LIG1: variants seen among roughly 807,000 people sequenced by gnomAD.
LIG1 encodes ligase I, DNA, ATP-dependent.
A neutral mutation model predicts 115.7 loss-of-function variants in LIG1; 70 were observed. The observed-to-expected ratio is 0.60, with a 90% confidence interval of 0.50 to 0.74. The LOEUF is 0.74. LIG1 is among the 30% of genes least tolerant of loss of function. LIG1 has a pLI of 0.00. For missense variants in LIG1, 1,115 were observed against 1,225.6 expected (o/e 0.91, Z 1.35); for synonymous variants, 487 against 495.3 (o/e 0.98, Z 0.22).
intron 11 of LIG1, among the ~76,000 whole-genome samples, chr19:48,141,009 C>T (rs1196082610): frequency 1.3e-5 from 2 of 152,204 alleles, no homozygotes; most frequent in African/African-American, 4.8e-5. Flanking sequence ...GCAAGGTGAA[C>T]CCACCGGACG....
At position 48,157,066 on chromosome 19, in the gene LIG1, A is replaced by G. The variant is rs1599863307; in HGVS notation, c.318T>C (p.Ser106=). The change falls in exon 5 of 28, where the codon TCT becomes TCC. Residue 106 remains serine, a synonymous_variant. Coordinates refer to ENST00000263274, the MANE Select transcript of LIG1 (RefSeq NM_000234.3). ...GGGAACTGTCCATGGGAGAGGTGTC[A>G]GAGAGGGAAGCATTGTTCTCAGGAG... ...ATSPENNASL[S]DTSPMDSSPS... The G allele has an allele frequency of 1.2e-6, 2 of 1,612,754 alleles. No homozygotes were observed. The highest frequency in any genetic ancestry group is 1.7e-6 in the Non-Finnish European group (2 of 1,179,234).
chr19:48,167,592 T>G (rs866368644), intron 1 of LIG1, among the ~76,000 whole-genome samples: 2 of 152,068 alleles, frequency 1.3e-5, no homozygotes, highest in African/African-American at 4.8e-5. Context: ...TTTGGAAGGC[T>G]GAGACAGGCG....
rs193253316 is a variant in LIG1, at chr19:48,122,416, C to T, written c.2232+518G>A. The T allele has an allele frequency of 6.1e-4, 118 of 192,480 alleles. No homozygotes were observed. The East Asian group carries it at 7.2e-3, about 12-fold the overall frequency. The allele number at this position is 192,480 out of a possible 1,614,324, so 11.9% of individuals were successfully genotyped here. ...CCCACTCTGAGCTCACCTCCCGCCTCGCCTGCCCTTGCTCCCTGCACACGC... is the reference window on the plus strand; with the variant it reads ...CCCACTCTGAGCTCACCTCCCGCCTTGCCTGCCCTTGCTCCCTGCACACGC... On this transcript the variant is annotated intron_variant, in intron 23 of 27. Transcript: ENST00000263274. This position sits in a 1 kb window ranked among gnomAD's most constrained non-coding sequence, Gnocchi z 4.3.
Position 48,170,322 on chromosome 19 carries a change from A to C in LIG1, c.-139T>G, listed in dbSNP as rs1374247646. 6.7e-6 allele frequency: 3 copies of C among 446,040 alleles called. No individual in the cohort carries two copies. Among genetic ancestry groups the C allele is most frequent in the Non-Finnish European group, 9.0e-6 (2 of 222,196 alleles). The allele number at this position is 446,040 out of a possible 1,614,324, so 27.6% of individuals were successfully genotyped here. A position where few individuals can be genotyped will look rare whatever the true frequency, so the allele number is the denominator to read the frequency against. On this transcript the variant is annotated 5_prime_UTR_variant, in exon 1 of 28. Coordinates refer to ENST00000263274, the MANE Select transcript of LIG1 (RefSeq NM_000234.3). The stretch of plus-strand genomic sequence containing the variant: ...GCCTCTGCAGTCCCAAGTTCGCGCC[A>C]CGGCATTCGCGCGCAGACGTCTGCG...
rs1367128421 is a variant in LIG1 at position 48,135,851 on chromosome 19, T to C, written c.1424-72A>G. 4.3e-6 allele frequency: 6 copies of C among 1,398,458 alleles called. No individual in the cohort carries two copies. In the Admixed American group the frequency reaches 6.7e-5, roughly 16 times the overall value. 86.6% of individuals were successfully genotyped at this position (1,398,458 alleles called of 1,614,324 possible). On this transcript the variant is annotated intron_variant, in intron 15 of 27. Coordinates refer to ENST00000263274, the MANE Select transcript of LIG1 (RefSeq NM_000234.3). ...GCTACACCAGGGTGCAGTGGGTGGT[T>C]TGCTGTATGGCAAGGAATGCAGATG...
intron 26 of LIG1, among the ~76,000 whole-genome samples, chr19:48,117,201 C>T (rs1288711388): frequency 1.3e-5 from 2 of 151,744 alleles, no homozygotes. Flanking sequence ...GCTTTGTCAC[C>T]CAGGATGGAG....
In LIG1 at chr19:48,137,224, G is replaced by T; in HGVS notation, c.1255-140C>A. On this transcript the variant is annotated intron_variant, in intron 13 of 27. Transcript: ENST00000263274. This position sits in a 1 kb window ranked among gnomAD's most constrained non-coding sequence, Gnocchi z 4.3. ...CCATCCCCATGTCCCAGCTCCCATG[G>T]CCGCCCACTCTTAGGGCAGTAAGAA... The T allele has an allele frequency of 1.3e-6, 1 of 796,076 alleles. No individual in the cohort carries two copies. The allele number at this position is 796,076 out of a possible 1,614,324, so 49.3% of individuals were successfully genotyped here. A position where few individuals can be genotyped will look rare whatever the true frequency, so the allele number is the denominator to read the frequency against.
chr19:48,128,441 C>T (rs1042724944), intron 19 of LIG1, among the ~76,000 whole-genome samples: 1 of 152,130 alleles, frequency 6.6e-6, no homozygotes, highest in African/African-American at 2.4e-5. Context: ...GATCACAGCA[C>T]CTCCCTGCTA....
Position 48,117,779 on chromosome 19 carries a change from C to T in LIG1, c.2442G>A (p.Ala814=), listed in dbSNP as rs13436. ...ELEEHHQSLK[A]LVLPSPRPYV... ...AAGGGCGTGGGCTGGGCAGCACCAG[C>T]GCCTGCAGTGAGCAGAGGAAGAGAG... Residue 814 remains alanine (A), a splice_region_variant and synonymous_variant, in exon 26 of 28, where the codon GCG becomes GCA. Coordinates refer to ENST00000263274, the MANE Select transcript of LIG1 (RefSeq NM_000234.3). 27 of 1,611,530 alleles carry T rather than the reference C, an allele frequency of 1.7e-5. No individual in the cohort carries two copies. In the South Asian group the frequency reaches 2.8e-4, roughly 17 times the overall value.
At chr19:48,149,674 G>A (rs2035342250) in intron 9 of LIG1, 89 bp downstream of exon 9, 4 of 1,003,088 alleles carry the variant, frequency 4.0e-6, no homozygotes, top group East Asian at 5.0e-5. Context: ...CCTGCAAGAG[G>A]AGGAAGCCTG....
chr19:48,156,985 TGAAGG>T, intron 5 of LIG1, 24 bp downstream of exon 5: 1 of 1,391,360 alleles, frequency 7.2e-7, no homozygotes, highest in Non-Finnish European at 9.6e-7. Flanking sequence ...GGCAGGCGAC[TGAAGG>T]GGCAGGGGCC....
At chr19:48,132,473 G>A (rs1011744295) in intron 18 of LIG1, among the ~76,000 whole-genome samples, 11 of 151,978 alleles carry the variant, frequency 7.2e-5, no homozygotes, top group African/African-American at 1.4e-4. Flanking sequence ...TTGTAGCTTC[G>A]GATAAGCTGG....
chr19:48,154,232 G>A, intron 5 of LIG1: 1 of 457,048 alleles, frequency 2.2e-6, no homozygotes, highest in Non-Finnish European at 4.1e-6. Flanking sequence ...AGTAAACAAT[G>A]ATGTAATGTA....
intron 2 of LIG1, among the ~76,000 whole-genome samples, chr19:48,163,966 G>T (rs986261278): frequency 8.0e-5 from 11 of 137,318 alleles, no homozygotes; most frequent in African/African-American, 3.0e-4. Flanking sequence ...AAAAAAAAAT[G>T]TTGGAAGGCG....
At chr19:48,143,014 G>A (rs1468128314) in intron 11 of LIG1, among the ~76,000 whole-genome samples, 1 of 152,158 alleles carries the variant, frequency 6.6e-6, no homozygotes, top group African/African-American at 2.4e-5. Flanking sequence ...GGAGAGAAGA[G>A]GAAATGGGGA....
At position 48,117,936 on chromosome 19, in the gene LIG1, C is replaced by T. The variant is rs2032980509; in HGVS notation, c.2440-155G>A. On this transcript the variant is annotated intron_variant, in intron 25 of 27. Transcript: ENST00000263274. The stretch of plus-strand genomic sequence containing the variant: ...GTGAAATAAGGGAAAAGAAACAAGA[C>T]ACCCCCTTGAAGTAAACAGAAATAG... 4.0e-6 allele frequency: 3 copies of T among 749,524 alleles called. No individual in the cohort carries two copies. In the African/African-American group the frequency reaches 5.3e-5, roughly 13 times the overall value. 46.4% of individuals were successfully genotyped at this position (749,524 alleles called of 1,614,324 possible). A position where few individuals can be genotyped will look rare whatever the true frequency, so the allele number is the denominator to read the frequency against.
rs2036740178 is a variant in LIG1 at position 48,170,253 on chromosome 19, C to G, written c.-70G>C. 2.2e-6 allele frequency: 1 copy of G among 455,332 alleles called. No homozygotes were observed. The highest frequency in any genetic ancestry group is 4.4e-6 in the Non-Finnish European group (1 of 226,458). The allele number at this position is 455,332 out of a possible 1,614,324, so 28.2% of individuals were successfully genotyped here. A position where few individuals can be genotyped will look rare whatever the true frequency, so the allele number is the denominator to read the frequency against. ...CGGCCCCACTTGCCTTGCGTTGGTC[C>G]CGCGCGCCGCTGCCCGGGCAACACA... is the stretch of plus-strand genomic sequence containing the variant. On this transcript the variant is annotated 5_prime_UTR_variant, in exon 1 of 28. Coordinates refer to ENST00000263274, the MANE Select transcript of LIG1 (RefSeq NM_000234.3).
chr19:48,161,098 A>T, intron 4 of LIG1: 1 of 519,824 alleles, frequency 1.9e-6, no homozygotes, highest in Non-Finnish European at 3.5e-6. Context: ...GACTCATTTC[A>T]TCTTCCCAGT....
chr19:48,157,234 C>A, intron 4 of LIG1, 94 bp from the exon 5 acceptor site: 1 of 1,370,214 alleles, frequency 7.3e-7, no homozygotes, highest in Admixed American at 2.1e-5. Flanking sequence ...ACCTCTCTGT[C>A]TACCCTCCTT....
Sources: allele counts gnomAD v4.1 joint callset (sites outside exome capture counted in the v4.1 genomes callset), GRCh38; gene constraint gnomAD v4.1.1; non-coding constraint Gnocchi (gnomAD v3.1); transcripts MANE v1.5; gene names NCBI Gene and HGNC (gene_info 2026-07-23, HGNC 2026-07-21).